CNTN4: variants seen among roughly 807,000 people sequenced by gnomAD.
CNTN4 encodes contactin-4.
In CNTN4, 77 loss-of-function variants were observed where a neutral mutation model predicts 122.5. The observed-to-expected ratio is 0.63, with a 90% confidence interval of 0.52 to 0.76. The LOEUF (loss-of-function observed/expected upper bound fraction) is 0.76, where lower values mean the gene tolerates loss of function less well. Among genes scored for constraint, CNTN4 ranks in the 30% least tolerant of loss-of-function variants. The probability of loss-of-function intolerance (pLI) is 0.00; values close to 1 mark genes in which losing one functional copy is unlikely to be tolerated. For synonymous variants in CNTN4, 512 were observed against 447.0 expected (o/e 1.15, Z -1.83); for missense variants, 1,256 against 1,259.1 (o/e 1.00, Z 0.04).
chr3:2,707,622 T>G (rs1440075513), intron 4 of CNTN4, among the ~76,000 whole-genome samples: 1 of 147,860 alleles, frequency 6.8e-6, no homozygotes, highest in East Asian at 2.1e-4. Context: ...AAATATTGTT[T>G]GATGCTTCTT....
intron 3 of CNTN4, among the ~76,000 whole-genome samples, chr3:2,429,035 A>G (rs2616577): frequency 0.58 from 87,740 of 151,958 alleles, 26,607 homozygotes; most frequent in Non-Finnish European, 0.68. Context: ...TCTTTTGCTC[A>G]GAGAGGTTTG....
At chr3:2,956,580 G>A (rs1052288604) in intron 13 of CNTN4, among the ~76,000 whole-genome samples, 1 of 151,730 alleles carries the variant, frequency 6.6e-6, no homozygotes, top group Non-Finnish European at 1.5e-5. Flanking sequence ...TTTTTAATAG[G>A]TAAATGATGC....
intron 2 of CNTN4, among the ~76,000 whole-genome samples, chr3:2,186,958 T>C (rs1166525294): frequency 6.6e-6 from 1 of 152,218 alleles, no homozygotes; most frequent in Admixed American, 6.5e-5. Context: ...ATTTTGGCTT[T>C]TGTTGCAATT....
At chr3:2,901,165 C>T (rs2094168782) in intron 11 of CNTN4, among the ~76,000 whole-genome samples, 1 of 152,166 alleles carries the variant, frequency 6.6e-6, no homozygotes, top group Non-Finnish European at 1.5e-5. Context: ...GGGGCATTGA[C>T]ACAATACAGG....
intron 2 of CNTN4, among the ~76,000 whole-genome samples, chr3:2,303,365 T>G (rs1486205718): frequency 6.6e-6 from 1 of 152,088 alleles, no homozygotes; most frequent in East Asian, 1.9e-4. Flanking sequence ...TCCACTCGTT[T>G]CCCCTATTCA....
At position 2,313,475 on chromosome 3, in the gene CNTN4, G is replaced by A. The variant is rs188798028; in HGVS notation, c.-144-25703G>A. Among the ~76,000 whole-genome samples, 14 of 152,038 alleles carry A rather than the reference G, an allele frequency of 9.2e-5. No individual in the cohort carries two copies. In the East Asian group the frequency reaches 2.7e-3, roughly 29 times the overall value. ...ACCACTTTAAATTATTAACAGATAA[G>A]CAATTTTATGGTAAAAAAATTGATT... On this transcript the variant is annotated intron_variant, in intron 2 of 24. Coordinates refer to ENST00000418658, the MANE Select transcript of CNTN4 (RefSeq NM_175607.3).
Position 2,916,755 on chromosome 3 carries a change from C to T in CNTN4, c.1208-8874C>T, listed in dbSNP as rs367633096. Among the ~76,000 whole-genome samples, 142 of 144,414 alleles carry T rather than the reference C, an allele frequency of 9.8e-4. 4 individuals carry two copies. In the East Asian group the frequency reaches 0.024, roughly 25 times the overall value. The allele number at this position is 144,414 out of a possible 152,430, so 94.7% of individuals were successfully genotyped here. Reference sequence around the variant, plus strand: ...GGGGTGGCGGCCGGGCAGAGGGGCTCCTCACTTCCCAGTAGGGGCGGCCGG... The same window carrying T: ...GGGGTGGCGGCCGGGCAGAGGGGCTTCTCACTTCCCAGTAGGGGCGGCCGG... On this transcript the variant is annotated intron_variant, in intron 12 of 24. Coordinates refer to ENST00000418658, the MANE Select transcript of CNTN4 (RefSeq NM_175607.3).
intron 12 of CNTN4, among the ~76,000 whole-genome samples, chr3:2,919,661 T>C (rs1169714249): frequency 6.6e-6 from 1 of 152,158 alleles, no homozygotes; most frequent in Non-Finnish European, 1.5e-5. Context: ...GGACTTGAGT[T>C]TGTATAAGAG....
intron 3 of CNTN4, among the ~76,000 whole-genome samples, chr3:2,365,019 C>T (rs904278708): frequency 1.3e-5 from 2 of 152,012 alleles, no homozygotes; most frequent in Non-Finnish European, 2.9e-5. Flanking sequence ...CTTGATATTT[C>T]GTGTGTATTT....
At chr3:2,378,972 A>G (rs28625243) in intron 3 of CNTN4, among the ~76,000 whole-genome samples, 13,785 of 152,214 alleles carry the variant, frequency 0.091, 1,058 homozygotes, top group African/African-American at 0.22. Flanking sequence ...TAGTTTAATC[A>G]GTCACCATCC....
intron 3 of CNTN4, among the ~76,000 whole-genome samples, chr3:2,415,806 T>A (rs913486956): frequency 1.3e-5 from 2 of 152,216 alleles, no homozygotes; most frequent in Non-Finnish European, 2.9e-5. Context: ...ACCTTTTTTT[T>A]AAATTTGGTT....
At chr3:3,051,566 G>A (rs953237585) in intron 23 of CNTN4, among the ~76,000 whole-genome samples, 6 of 152,178 alleles carry the variant, frequency 3.9e-5, no homozygotes, top group African/African-American at 1.4e-4. Context: ...TTCTCCTGGA[G>A]GGCCGTGATG....
At chr3:2,447,802 G>T (rs1404368690) in intron 3 of CNTN4, among the ~76,000 whole-genome samples, 3 of 151,830 alleles carry the variant, frequency 2.0e-5, no homozygotes, top group Admixed American at 6.6e-5. Flanking sequence ...TTATGTGTTG[G>T]GTTCTGTTAA....
chr3:2,705,921 G>GT (rs2086700765), intron 4 of CNTN4, among the ~76,000 whole-genome samples: 1 of 113,694 alleles, frequency 8.8e-6, no homozygotes, highest in South Asian at 2.5e-4. Context: ...TAAAATATAT[G>GT]TAATATATAA....
intron 2 of CNTN4, among the ~76,000 whole-genome samples, chr3:2,256,812 A>C (rs2040610294): frequency 6.6e-6 from 1 of 152,236 alleles, no homozygotes; most frequent in Non-Finnish European, 1.5e-5. Context: ...ATGGAAAAGC[A>C]TTCTATGCTC....
chr3:2,386,312 G>C (rs1468300695), intron 3 of CNTN4, among the ~76,000 whole-genome samples: 1 of 152,092 alleles, frequency 6.6e-6, no homozygotes, highest in East Asian at 1.9e-4. Flanking sequence ...TGTGACAGTA[G>C]AATGGCCAGG....
intron 3 of CNTN4, among the ~76,000 whole-genome samples, chr3:2,438,937 G>A (rs2048343314): frequency 6.6e-6 from 1 of 152,194 alleles, no homozygotes; most frequent in Non-Finnish European, 1.5e-5. Flanking sequence ...TTTTTAGAGA[G>A]AAAGGGGCCA....
At chr3:2,833,610 G>A (rs996585588) in intron 7 of CNTN4, among the ~76,000 whole-genome samples, 1 of 137,678 alleles carries the variant, frequency 7.3e-6, no homozygotes, top group African/African-American at 3.0e-5. Flanking sequence ...AAAAATTATG[G>A]TATTTTTTAT....
chr3:2,815,533 A>G (rs1332882468), intron 6 of CNTN4, among the ~76,000 whole-genome samples: 1 of 152,210 alleles, frequency 6.6e-6, no homozygotes, highest in African/African-American at 2.4e-5. Flanking sequence ...TATCAAAACC[A>G]CAATGTGATA....
Sources: gnomAD v4.1 joint callset for allele counts (sites outside exome capture counted in the v4.1 genomes callset) on GRCh38, gnomAD v4.1.1 for gene constraint, MANE v1.5 for transcripts, NCBI Gene and HGNC (gene_info 2026-07-23, HGNC 2026-07-21) for gene names.